Variants in VPS13B observed in about 807,000 individuals in gnomAD.
VPS13B encodes the protein vacuolar protein sorting 13 homolog B, also known as intermembrane lipid transfer protein VPS13B.
In VPS13B, 285 loss-of-function variants were observed where a neutral mutation model predicts 426.4. That is an observed-to-expected ratio of 0.67 (90% confidence interval 0.61 to 0.74). The LOEUF (loss-of-function observed/expected upper bound fraction) is 0.74. Ranked by LOEUF, VPS13B falls within the 30% of genes least tolerant of loss-of-function variation. The pLI is 0.00. For missense variants in VPS13B, 4,537 were observed against 4,782.6 expected (o/e 0.95, Z 1.51); for synonymous variants, 1,676 against 1,676.4 (o/e 1.00, Z 0.01).
chr8:99,697,445 A>G (rs1832075754), intron 35 of VPS13B: 2 of 706,176 alleles, frequency 2.8e-6, no homozygotes, highest in Non-Finnish European at 5.1e-6. Flanking sequence ...GGAGATAACT[A>G]AGGAGGAAAT....
intron 33 of VPS13B, among the ~76,000 whole-genome samples, chr8:99,640,108 A>AAAG (rs1357373808): frequency 1.3e-5 from 2 of 149,538 alleles, no homozygotes; most frequent in African/African-American, 4.9e-5. Context: ...AAAGAAAAGA[A>AAAG]AAGAAGAAGA....
chr8:99,495,392 A>AT (rs931046237), intron 25 of VPS13B, among the ~76,000 whole-genome samples: 1 of 152,000 alleles, frequency 6.6e-6, no homozygotes, highest in Non-Finnish European at 1.5e-5. Context: ...ATTTTCTTTT[A>AT]TTTTTTATCA....
intron 7 of VPS13B, chr8:99,120,110 C>G (rs1405214684): frequency 6.6e-6 from 1 of 152,462 alleles, no homozygotes; most frequent in Non-Finnish European, 1.5e-5. Context: ...CCAGGCTGGT[C>G]TCGAACTCCT....
chr8:99,664,890 C>T (rs1830414276), intron 35 of VPS13B, among the ~76,000 whole-genome samples: 1 of 152,158 alleles, frequency 6.6e-6, no homozygotes, highest in South Asian at 2.1e-4. Flanking sequence ...GAGAAATCGC[C>T]ACACTGACTT....
intron 21 of VPS13B, among the ~76,000 whole-genome samples, chr8:99,415,725 C>G (rs1318246137): frequency 6.6e-6 from 1 of 152,218 alleles, no homozygotes; most frequent in Non-Finnish European, 1.5e-5. Context: ...ACCTGTTTGC[C>G]TGGGTATCAC....
At chr8:99,321,504 G>C (rs1809985746) in intron 19 of VPS13B, among the ~76,000 whole-genome samples, 1 of 151,924 alleles carries the variant, frequency 6.6e-6, no homozygotes, top group Non-Finnish European at 1.5e-5. Context: ...CGTCGTGCCT[G>C]GCCTATTCCA....
chr8:99,684,229 A>G (rs954634353), intron 35 of VPS13B, among the ~76,000 whole-genome samples: 1 of 152,086 alleles, frequency 6.6e-6, no homozygotes, highest in Non-Finnish European at 1.5e-5. Context: ...GAGGATTTTT[A>G]TGTCTCTTCT....
At chr8:99,154,524 T>A (rs1454054670) in intron 14 of VPS13B, among the ~76,000 whole-genome samples, 1 of 152,198 alleles carries the variant, frequency 6.6e-6, no homozygotes, top group Non-Finnish European at 1.5e-5. Context: ...CAAAAATTTG[T>A]ATAAAATTTC....
At chr8:99,283,600 G>A (rs374199820) in intron 19 of VPS13B, among the ~76,000 whole-genome samples, 24 of 152,208 alleles carry the variant, frequency 1.6e-4, no homozygotes, top group African/African-American at 5.3e-4. Flanking sequence ...AAGCCCTTTG[G>A]GAGTTTTGAT....
chr8:99,243,211 G>C (rs1817026009), intron 17 of VPS13B, among the ~76,000 whole-genome samples: 1 of 152,110 alleles, frequency 6.6e-6, no homozygotes, highest in South Asian at 2.1e-4. Context: ...AAGAAACCAA[G>C]TACCTCAATT....
At chr8:99,489,498 T>C (rs553949821) in intron 25 of VPS13B, among the ~76,000 whole-genome samples, 46 of 152,272 alleles carry the variant, frequency 3.0e-4, no homozygotes, top group African/African-American at 1.1e-3. Context: ...TTGGGCAGTA[T>C]GGCCATTTTC....
chr8:99,187,468 A>G (rs770144876), intron 16 of VPS13B, among the ~76,000 whole-genome samples: 3 of 152,164 alleles, frequency 2.0e-5, no homozygotes, highest in Non-Finnish European at 4.4e-5. Flanking sequence ...CCTGTTTGGC[A>G]TAAGGGATCT....
intron 19 of VPS13B, among the ~76,000 whole-genome samples, chr8:99,302,148 ATACT>A (rs1042666854): frequency 1.3e-5 from 2 of 152,162 alleles, no homozygotes; most frequent in African/African-American, 4.8e-5. Flanking sequence ...GGGTTTGAAG[ATACT>A]TACTTTTCTG....
chr8:99,043,830 G>A (rs1250237502), intron 3 of VPS13B, among the ~76,000 whole-genome samples: 1 of 151,870 alleles, frequency 6.6e-6, no homozygotes, highest in Non-Finnish European at 1.5e-5. Context: ...TCCCTTTATG[G>A]TTATGTTGTG....
intron 30 of VPS13B, among the ~76,000 whole-genome samples, chr8:99,533,730 A>G (rs1171652141): frequency 6.6e-6 from 1 of 152,142 alleles, no homozygotes; most frequent in African/African-American, 2.4e-5. Flanking sequence ...TTTTTTATGG[A>G]CATGTTTATA....
At chr8:99,282,840 A>C (rs1002340974) in intron 19 of VPS13B, among the ~76,000 whole-genome samples, 1 of 152,154 alleles carries the variant, frequency 6.6e-6, no homozygotes, top group South Asian at 2.1e-4. Context: ...AAGTAGTATA[A>C]ATTTTTTAAC....
At position 99,850,447 on chromosome 8, in the gene VPS13B, A is replaced by C. The variant is rs1187112033; in HGVS notation, c.10061+1553A>C. On this transcript the variant is annotated intron_variant, in intron 55 of 61. Coordinates refer to ENST00000357162, the MANE Select transcript of VPS13B (RefSeq NM_152564.5). ...GAAAACATTCCTAGAAATAAGACTG[A>C]AAAGAAAAAAACTCAAAATTGGTAA... Among the ~76,000 whole-genome samples the C allele has an allele frequency of 2.6e-5, 4 of 152,058 alleles. No individual in the cohort carries two copies. In the East Asian group the frequency reaches 7.7e-4, roughly 29 times the overall value.
chr8:99,281,916 A>G (rs1381168608), intron 19 of VPS13B, among the ~76,000 whole-genome samples: 3 of 152,228 alleles, frequency 2.0e-5, no homozygotes, highest in East Asian at 3.8e-4. Flanking sequence ...GCAACCAACC[A>G]TAAGTTTATA....
At chr8:99,637,187 G>A (rs1829105863) in intron 33 of VPS13B, among the ~76,000 whole-genome samples, 1 of 152,132 alleles carries the variant, frequency 6.6e-6, no homozygotes, top group African/African-American at 2.4e-5. Flanking sequence ...TGATGCCCAA[G>A]TTTAGGGCCC....
Sources: allele counts gnomAD v4.1 joint callset (sites outside exome capture counted in the v4.1 genomes callset), GRCh38; gene constraint gnomAD v4.1.1; transcripts MANE v1.5; gene names NCBI Gene and HGNC (gene_info 2026-07-23, HGNC 2026-07-21).